PIKFYVE: variants seen among roughly 807,000 people sequenced by gnomAD.
PIKFYVE encodes the protein 1-phosphatidylinositol 3-phosphate 5-kinase.
In PIKFYVE, 122 loss-of-function variants were observed where a neutral mutation model predicts 257.9. That is an observed-to-expected ratio of 0.47 (90% confidence interval 0.41 to 0.55). PIKFYVE has a LOEUF of 0.55. Ranked by LOEUF, PIKFYVE falls within the 20% of genes least tolerant of loss-of-function variation. The pLI is 0.00. For synonymous variants in PIKFYVE, 892 were observed against 868.9 expected (o/e 1.03, Z -0.47); for missense variants, 2,160 against 2,536.6 (o/e 0.85, Z 3.19).
intron 4 of PIKFYVE, 23 bp from the exon 5 acceptor site, chr2:208,277,514 T>A: frequency 6.2e-7 from 1 of 1,612,026 alleles, no homozygotes; most frequent in Non-Finnish European, 8.5e-7. Context: ...TCAAGAAGCC[T>A]TCACACATTT....
rs41315878 is a variant in PIKFYVE at position 208,357,752 on chromosome 2, A to G, written c.*2447A>G. 6 of 152,216 alleles carry G rather than the reference A, an allele frequency of 3.9e-5. No individual in the cohort carries two copies. The highest frequency in any genetic ancestry group is 8.8e-5 in the Non-Finnish European group (6 of 68,042). 9.4% of individuals were successfully genotyped at this position (152,216 alleles called of 1,614,324 possible). A position where few individuals can be genotyped will look rare whatever the true frequency, so the allele number is the denominator to read the frequency against. On this transcript the variant is annotated 3_prime_UTR_variant, in exon 42 of 42. Coordinates refer to ENST00000264380, the MANE Select transcript of PIKFYVE (RefSeq NM_015040.4). ...TGTACTACTCAGTGTTAAGTATTGAATGACTGTTTCCCTTTCCTTCAAGGC... is the reference window on the plus strand; with the variant it reads ...TGTACTACTCAGTGTTAAGTATTGAGTGACTGTTTCCCTTTCCTTCAAGGC...
intron 16 of PIKFYVE, among the ~76,000 whole-genome samples, chr2:208,319,629 A>G (rs1295214491): frequency 1.3e-5 from 2 of 152,192 alleles, no homozygotes; most frequent in Admixed American, 6.5e-5. Flanking sequence ...TTTGGGGTCC[A>G]TAAACTTGGT....
At chr2:208,305,498 CTTA>C in intron 12 of PIKFYVE, 1 of 880,630 alleles carries the variant, frequency 1.1e-6, no homozygotes, top group Non-Finnish European at 1.4e-6. Context: ...ATTCATAATG[CTTA>C]TTATGTATAT....
rs1485448831 is a variant in PIKFYVE at position 208,326,331 on chromosome 2, A to G, written c.3520A>G (p.Lys1174Glu). ...AAATTCAGACCCTTTTGCTCATTCA[A>G]AGGATGCATCAAGTACTTCAAGTGG... Reference protein sequence around the residue: ...PKNSDPFAHSKDASSTSSGQS... With the variant: ...PKNSDPFAHSEDASSTSSGQS... The change falls in exon 20 of 42, where the codon AAG becomes GAG. Residue 1174 changes from lysine (K) to glutamate (E), a missense_variant. Coordinates refer to ENST00000264380, the MANE Select transcript of PIKFYVE (RefSeq NM_015040.4). 6.2e-7 allele frequency: 1 copy of G among 1,613,098 alleles called. No homozygotes were observed. Among genetic ancestry groups the G allele is most frequent in the Non-Finnish European group, 8.5e-7 (1 of 1,179,624 alleles).
rs1694141827 is a variant in PIKFYVE at position 208,304,922 on chromosome 2, C to T, written c.1545C>T (p.Ile515=). 2 of 1,614,032 alleles carry T rather than the reference C, an allele frequency of 1.2e-6. No homozygotes were observed. The highest frequency in any genetic ancestry group is 1.3e-5 in the African/African-American group (1 of 74,916). ...TGGACAGTGACTCAGCCGCTTCTATCAGCCTGAACGTGGAGCTGGACAACG... is the reference window on the plus strand; with the variant it reads ...TGGACAGTGACTCAGCCGCTTCTATTAGCCTGAACGTGGAGCTGGACAACG... ...STVDSDSAAS[I]SLNVELDNVN... Residue 515 remains isoleucine, a synonymous_variant, in exon 12 of 42, where the codon ATC becomes ATT. Transcript: ENST00000264380.
At chr2:208,275,646 A>T (rs535839392) in intron 3 of PIKFYVE, among the ~76,000 whole-genome samples, 37 of 152,318 alleles carry the variant, frequency 2.4e-4, no homozygotes, top group Admixed American at 1.9e-3. Context: ...TATCTTGGGA[A>T]ATTCTTTGTA....
intron 21 of PIKFYVE, 145 bp downstream of exon 21, chr2:208,328,425 A>G (rs952234549): frequency 1.0e-6 from 1 of 963,010 alleles, no homozygotes; most frequent in Non-Finnish European, 1.6e-6. Flanking sequence ...TAGAACTTTT[A>G]AACTTGTGAA....
rs772525189 is a variant in PIKFYVE, at chr2:208,271,703, T to G, written c.172+12T>G. On this transcript the variant is annotated intron_variant, in intron 2 of 41. Coordinates refer to ENST00000264380, the MANE Select transcript of PIKFYVE (RefSeq NM_015040.4). ...TCGTTTTAACAAAGGTAAGACTTAT[T>G]AAAGATAAGAGGTTTGATTCAGGTC... is the stretch of plus-strand genomic sequence containing the variant. 6.3e-5 allele frequency: 102 copies of G among 1,607,144 alleles called. No homozygotes were observed. Among genetic ancestry groups the G allele is most frequent in the Non-Finnish European group, 1.1e-5 (13 of 1,173,894 alleles).
chr2:208,302,366 G>A lies in PIKFYVE; in HGVS notation c.1320+13G>A. 1.9e-6 allele frequency: 3 copies of A among 1,592,038 alleles called. No homozygotes were observed. Among genetic ancestry groups the A allele is most frequent in the Non-Finnish European group, 2.6e-6 (3 of 1,160,000 alleles). On this transcript the variant is annotated intron_variant, in intron 10 of 41. Coordinates refer to ENST00000264380, the MANE Select transcript of PIKFYVE (RefSeq NM_015040.4). The stretch of plus-strand genomic sequence containing the variant: ...TAGACCACTGCAGGTACTTTTCAGT[G>A]TTTACTGCCAATTAGAATGTAGCAA...
intron 1 of PIKFYVE, among the ~76,000 whole-genome samples, chr2:208,268,423 CTTTTTTTTTTT>C (rs35632672): frequency 7.6e-5 from 6 of 78,678 alleles, no homozygotes; most frequent in South Asian, 5.3e-4. Flanking sequence ...CTCCAGAGCT[CTTTTTTTTTTT>C]TTTTTTTTTT....
At chr2:208,293,584 C>T (rs1692588957) in intron 7 of PIKFYVE, among the ~76,000 whole-genome samples, 1 of 151,972 alleles carries the variant, frequency 6.6e-6, no homozygotes, top group Admixed American at 6.6e-5. Context: ...TTTCTCTCAA[C>T]ATCTTAAATA....
intron 29 of PIKFYVE, 59 bp from the exon 30 acceptor site, chr2:208,339,359 T>G (rs1698481180): frequency 6.3e-7 from 1 of 1,584,518 alleles, no homozygotes; most frequent in Non-Finnish European, 8.7e-7. Context: ...TAAAAAATAT[T>G]AGGTAGACAT....
At chr2:208,353,755 T>C (rs1464813784) in intron 39 of PIKFYVE, 143 bp from the exon 40 acceptor site, 1 of 957,056 alleles carries the variant, frequency 1.0e-6, no homozygotes, top group Non-Finnish European at 1.6e-6. Context: ...ACTTAAAAAT[T>C]ATGATTCAAT....
Position 208,350,027 on chromosome 2 carries a change from A to C in PIKFYVE, c.5378A>C (p.Glu1793Ala). 1 of 1,611,838 alleles carries C rather than the reference A, an allele frequency of 6.2e-7. No individual in the cohort carries two copies. Among genetic ancestry groups the C allele is most frequent in the South Asian group, 1.1e-5 (1 of 90,980 alleles). The change falls in exon 36 of 42, where the codon GAA becomes GCA. Residue 1793 changes from glutamate (E) to alanine (A), a missense_variant. Glu to Ala is a moderately radical substitution (Grantham distance 107). This residue lies in a region of PIKFYVE where 699 missense variants were observed against 855.8 expected (regional missense o/e 0.82). Coordinates refer to ENST00000264380, the MANE Select transcript of PIKFYVE (RefSeq NM_015040.4). The stretch of plus-strand genomic sequence containing the variant: ...CTAATGATATTAAACCTTTTAGATG[A>C]AGTAGATGGAGGAGATACACAAAAG... ...TENQGVEPQD[E>A]VDGGDTQKKQ... is the part of the protein sequence containing the mutation.
At chr2:208,288,688 C>G (rs1691902255) in intron 6 of PIKFYVE, 41 bp from the exon 7 acceptor site, 1 of 1,611,406 alleles carries the variant, frequency 6.2e-7, no homozygotes, top group Non-Finnish European at 8.5e-7. Flanking sequence ...TTCCCTTTTA[C>G]TGTCCTGAAT....
intron 12 of PIKFYVE, among the ~76,000 whole-genome samples, chr2:208,307,705 T>C (rs1020427784): frequency 5.9e-5 from 9 of 152,212 alleles, no homozygotes; most frequent in Non-Finnish European, 1.0e-4. Context: ...CCAGCATTGG[T>C]TAAGCAAACT....
At chr2:208,352,848 A>G (rs1035807760) in intron 39 of PIKFYVE, 66 bp downstream of exon 39, 4 of 1,554,250 alleles carry the variant, frequency 2.6e-6, no homozygotes, top group Middle Eastern at 3.4e-4. Context: ...GTTCTTAAAT[A>G]TAGTGAATCA....
intron 7 of PIKFYVE, among the ~76,000 whole-genome samples, chr2:208,298,320 T>A (rs1693241778): frequency 6.6e-6 from 1 of 152,254 alleles, no homozygotes; most frequent in South Asian, 2.1e-4. Context: ...GAAATATTAC[T>A]GATATATGAA....
chr2:208,328,315 AG>A, intron 21 of PIKFYVE, 35 bp downstream of exon 21: 2 of 1,612,710 alleles, frequency 1.2e-6, no homozygotes, highest in Non-Finnish European at 1.7e-6. Flanking sequence ...ATTCCACATA[AG>A]AACAGAATTC....
Sources: allele counts gnomAD v4.1 joint callset (sites outside exome capture counted in the v4.1 genomes callset), GRCh38; gene constraint gnomAD v4.1.1; regional missense constraint gnomAD v4.1.1; transcripts MANE v1.5; gene names NCBI Gene and HGNC (gene_info 2026-07-23, HGNC 2026-07-21).